BPIFA3: variants seen among roughly 807,000 people sequenced by gnomAD.
BPIFA3 encodes the protein BPI fold-containing family A member 3.
BPIFA3 carries 32 observed loss-of-function variants against 29.7 expected under a neutral mutation model. That is an observed-to-expected ratio of 1.08 (90% CI 0.81 to 1.45). The LOEUF is 1.45. Ranked by LOEUF, BPIFA3 falls within the 40% of genes most tolerant of loss-of-function variation. The pLI is 0.00. For missense variants in BPIFA3, 323 were observed against 311.3 expected (o/e 1.04, Z -0.28); for synonymous variants, 112 against 113.7 (o/e 0.98, Z 0.10).
intron 1 of BPIFA3, among the ~76,000 whole-genome samples, chr20:33,218,509 T>C (rs899266773): frequency 6.6e-6 from 1 of 152,176 alleles, no homozygotes; most frequent in East Asian, 1.9e-4. Flanking sequence ...TTCTCACAGT[T>C]CTGGAGGCTG....
At chr20:33,224,988 C>T (rs758639274) in intron 3 of BPIFA3, 110 bp from the exon 4 acceptor site, 38 of 970,026 alleles carry the variant, frequency 3.9e-5, no homozygotes, top group Non-Finnish European at 4.9e-5. Context: ...ACTCAGAGTG[C>T]CAGGGGAAGC....
At chr20:33,221,678 C>G (rs567688234) in intron 1 of BPIFA3, among the ~76,000 whole-genome samples, 14 of 152,264 alleles carry the variant, frequency 9.2e-5, no homozygotes, top group African/African-American at 3.4e-4. Flanking sequence ...ATCAAAAGCT[C>G]TCAGAGAATG....
intron 6 of BPIFA3, among the ~76,000 whole-genome samples, 185 bp downstream of exon 6, chr20:33,227,178 G>A (rs984154942): frequency 9.2e-5 from 14 of 152,106 alleles, no homozygotes; most frequent in East Asian, 3.9e-4. Flanking sequence ...ACAGCAGAAC[G>A]TACCCCTACC....
Position 33,227,496 on chromosome 20 carries a change from G to T in BPIFA3, c.686-42G>T. 4 of 1,515,656 alleles carry T rather than the reference G, an allele frequency of 2.6e-6. No individual in the cohort carries two copies. In the South Asian group the frequency reaches 3.4e-5, roughly 13 times the overall value. The allele number at this position is 1,515,656 out of a possible 1,614,324, so 93.9% of individuals were successfully genotyped here. A position where few individuals can be genotyped will look rare whatever the true frequency, so the allele number is the denominator to read the frequency against. ...TTTCCCTTCGGTGTGGGAGTTGGGA[G>T]GTGGGCACACTGGTGACAGACGCTA... On this transcript the variant is annotated intron_variant, in intron 6 of 6. Coordinates refer to ENST00000375454, the MANE Select transcript of BPIFA3 (RefSeq NM_178466.5).
Position 33,227,715 on chromosome 20 carries a change from G to A in BPIFA3, c.*98G>A. ...TAAAAACTTTACCCCAGGCTCTGTG[G>A]ACATACCATCCTCTCCTACAATAAA... is the stretch of plus-strand genomic sequence containing the variant. On this transcript the variant is annotated 3_prime_UTR_variant, in exon 7 of 7. Transcript: ENST00000375454. 1.0e-6 allele frequency: 1 copy of A among 966,204 alleles called. No individual in the cohort carries two copies. Among genetic ancestry groups the A allele is most frequent in the Admixed American group, 2.0e-5 (1 of 50,888 alleles). The allele number at this position is 966,204 out of a possible 1,614,324, so 59.9% of individuals were successfully genotyped here.
chr20:33,222,647 G>A (rs1324546830), intron 1 of BPIFA3, among the ~76,000 whole-genome samples: 1 of 146,948 alleles, frequency 6.8e-6, no homozygotes, highest in Admixed American at 6.7e-5. Context: ...TGGATGGATG[G>A]ATGGATGGAT....
Position 33,217,503 on chromosome 20 carries a change from C to A in BPIFA3, c.-34C>A. The A allele has an allele frequency of 3.1e-6, 5 of 1,609,394 alleles. No individual in the cohort carries two copies. The highest frequency in any genetic ancestry group is 4.2e-6 in the Non-Finnish European group (5 of 1,178,264). On this transcript the variant is annotated 5_prime_UTR_variant, in exon 1 of 7. In the 5' UTR this introduces an upstream ATG that the reference lacks. Transcript: ENST00000375454. Reference sequence around the variant, plus strand: ...TCAAAGCCGTCTGCCCAGGCCCCATCTGACACTCTTGACATCTGCAGGTCC... The same window carrying A: ...TCAAAGCCGTCTGCCCAGGCCCCATATGACACTCTTGACATCTGCAGGTCC...
chr20:33,222,363 G>A (rs1985552944), intron 1 of BPIFA3, among the ~76,000 whole-genome samples: 1 of 152,190 alleles, frequency 6.6e-6, no homozygotes, highest in Non-Finnish European at 1.5e-5. Context: ...CTCTTGTTTG[G>A]TCTGATAGAG....
Position 33,225,144 on chromosome 20 carries a change from G to A in BPIFA3, c.433G>A (p.Val145Ile), listed in dbSNP as rs201399371. 51 of 1,614,120 alleles carry A rather than the reference G, an allele frequency of 3.2e-5. No individual in the cohort carries two copies. Among genetic ancestry groups the A allele is most frequent in the South Asian group, 2.9e-4 (26 of 91,082 alleles). The change falls in exon 4 of 7, where the codon GTT becomes ATT. Residue 145 changes from valine (V) to isoleucine (I), a missense_variant. Val to Ile is a conservative substitution (Grantham distance 29). Transcript: ENST00000375454. ...IVKMCAHMSI[V>I]VEFWLEKDEF... is the part of the protein sequence containing the mutation. ...AAAGATGTGTGCACATATGAGCATCGTTGTGGAGTTCTGGCTGGAGAAAGA... is the reference window on the plus strand; with the variant it reads ...AAAGATGTGTGCACATATGAGCATCATTGTGGAGTTCTGGCTGGAGAAAGA...
rs186009631 is a variant in BPIFA3 at position 33,223,081 on chromosome 20, T to C, written c.128-730T>C. On this transcript the variant is annotated intron_variant, in intron 1 of 6. Coordinates refer to ENST00000375454, the MANE Select transcript of BPIFA3 (RefSeq NM_178466.5). ...ATCAAGATCTGCTACTCCAGACACA[T>C]TCTTGTTTGTAAGCGACAGAAACAA... is the stretch of plus-strand genomic sequence containing the variant. Among the ~76,000 whole-genome samples, 402 of 152,288 alleles carry C rather than the reference T, an allele frequency of 2.6e-3. 2 individuals carry two copies. Among genetic ancestry groups the C allele is most frequent in the African/African-American group, 7.2e-3 (300 of 41,556 alleles).
chr20:33,221,875 C>T (rs1246017913), intron 1 of BPIFA3, among the ~76,000 whole-genome samples: 5 of 152,144 alleles, frequency 3.3e-5, no homozygotes, highest in Non-Finnish European at 7.3e-5. Context: ...ACAATAAGTG[C>T]AGTTAGAATG....
At position 33,226,982 on chromosome 20, in the gene BPIFA3, A is replaced by G. The variant is rs1298904744; in HGVS notation, c.674A>G (p.Lys225Arg). 1.2e-6 allele frequency: 2 copies of G among 1,613,880 alleles called. No homozygotes were observed. The highest frequency in any genetic ancestry group is 1.7e-6 in the Non-Finnish European group (2 of 1,179,776). Reference protein sequence around the residue: ...ILGQLDVKLLKSLIEQEAAHE... With the variant: ...ILGQLDVKLLRSLIEQEAAHE... ...GGGCAGCTGGATGTGAAACTGTTGA[A>G]AAGCCTCATAGGTGAGTGTCTGGTC... Residue 225 changes from lysine (K) to arginine (R), a missense_variant, in exon 6 of 7, where the codon AAA becomes AGA. Lys to Arg is a conservative substitution (Grantham distance 26). Coordinates refer to ENST00000375454, the MANE Select transcript of BPIFA3 (RefSeq NM_178466.5).
At chr20:33,219,191 C>T (rs768403409) in intron 1 of BPIFA3, among the ~76,000 whole-genome samples, 1 of 152,210 alleles carries the variant, frequency 6.6e-6, no homozygotes, top group Non-Finnish European at 1.5e-5. Context: ...AAGTGTAAGC[C>T]ACTGTGCCCA....
chr20:33,226,458 C>CA lies in BPIFA3; in HGVS notation c.594dup (p.Val199SerfsTer16). 6.2e-7 allele frequency: 1 copy of CA among 1,609,160 alleles called. No homozygotes were observed. On this transcript the variant is annotated frameshift_variant, in exon 5 of 7. Transcript: ENST00000375454. LOFTEE classifies it high-confidence loss of function. ...TCTCTACAACCTCAAAGAGAATCTG[C>CA]AAAAAGTTCTCCCACACATGGTAGA...
At chr20:33,218,689 C>T (rs1274961907) in intron 1 of BPIFA3, among the ~76,000 whole-genome samples, 2 of 152,122 alleles carry the variant, frequency 1.3e-5, no homozygotes, top group East Asian at 1.9e-4. Context: ...TAGGGCCATA[C>T]CCTAATGACC....
rs1007873531 is a variant in BPIFA3 at position 33,227,626 on chromosome 20, G to T, written c.*9G>T. 1 of 1,611,496 alleles carries T rather than the reference G, an allele frequency of 6.2e-7. No homozygotes were observed. Among genetic ancestry groups the T allele is most frequent in the Non-Finnish European group, 8.5e-7 (1 of 1,177,764 alleles). ...GAGAGTCCCCCAGCTGACTTCTGCT[G>T]ATCAGAAGGAAAGTCCACATCTTGC... is the stretch of plus-strand genomic sequence containing the variant. On this transcript the variant is annotated 3_prime_UTR_variant, in exon 7 of 7. Coordinates refer to ENST00000375454, the MANE Select transcript of BPIFA3 (RefSeq NM_178466.5).
intron 1 of BPIFA3, among the ~76,000 whole-genome samples, chr20:33,222,378 C>A (rs1250201804): frequency 6.6e-6 from 1 of 152,236 alleles, no homozygotes; most frequent in East Asian, 1.9e-4. Context: ...ATAGAGCCAA[C>A]TGGGTCATGT....
intron 1 of BPIFA3, among the ~76,000 whole-genome samples, chr20:33,218,079 T>C (rs996515591): frequency 6.6e-6 from 1 of 152,222 alleles, no homozygotes; most frequent in African/African-American, 2.4e-5. Flanking sequence ...CTCAGCACTA[T>C]GCTGTTGACA....
intron 6 of BPIFA3, 90 bp from the exon 7 acceptor site, chr20:33,227,448 T>A (rs1028403228): frequency 2.7e-6 from 3 of 1,098,822 alleles, no homozygotes; most frequent in Non-Finnish European, 4.2e-6. Flanking sequence ...CACCTGCCTT[T>A]GGTCACCATG....
Sources: gnomAD v4.1 joint callset for allele counts (sites outside exome capture counted in the v4.1 genomes callset) on GRCh38, gnomAD v4.1.1 for gene constraint, MANE v1.5 for transcripts, NCBI Gene and HGNC (gene_info 2026-07-23, HGNC 2026-07-21) for gene names.